REPS2: variants seen among roughly 807,000 people sequenced by gnomAD.
The protein encoded by REPS2 is RALBP1 associated Eps domain containing 2.
A neutral mutation model predicts 53.6 loss-of-function variants in REPS2; 23 were observed. The observed-to-expected ratio is 0.43, with a 90% CI of 0.31 to 0.61. The LOEUF (loss-of-function observed/expected upper bound fraction) is 0.61, where lower values mean the gene tolerates loss of function less well. Among genes scored for constraint, REPS2 ranks in the 20% least tolerant of loss-of-function variants. The pLI is 0.11. For synonymous variants in REPS2, 238 were observed against 218.6 expected (o/e 1.09, Z -0.78); for missense variants, 446 against 534.9 (o/e 0.83, Z 1.64).
chrX:16,983,791 C>T (rs2061053609), intron 1 of REPS2, among the ~76,000 whole-genome samples: 1 of 112,908 alleles, frequency 8.9e-6, no homozygotes, highest in Non-Finnish European at 1.9e-5. Context: ...AGGCATGAGC[C>T]ACCATGCCCG....
intron 1 of REPS2, among the ~76,000 whole-genome samples, chrX:16,968,735 C>G (rs1462963608): frequency 5.3e-5 from 5 of 93,735 alleles, no homozygotes; most frequent in Non-Finnish European, 1.1e-4. Flanking sequence ...GGCGGCCGGC[C>G]GGGCAGAGGG....
At chrX:17,117,934 C>T (rs1236052290) in intron 14 of REPS2, among the ~76,000 whole-genome samples, 1 of 101,622 alleles carries the variant, frequency 9.8e-6, no homozygotes, top group Non-Finnish European at 2.0e-5. Flanking sequence ...TCTCCAGCAC[C>T]TGTTGTTTCC....
intron 16 of REPS2, chrX:17,136,379 A>G (rs2063365967): frequency 9.0e-6 from 1 of 111,268 alleles, no homozygotes; most frequent in Non-Finnish European, 1.9e-5. Context: ...CAGTCCATAA[A>G]GGAAGTATAT....
chrX:17,104,035 G>A (rs1328714092), intron 14 of REPS2, among the ~76,000 whole-genome samples: 2 of 111,643 alleles, frequency 1.8e-5, no homozygotes, highest in African/African-American at 3.3e-5. Context: ...CCAGGGGTGC[G>A]TCTGTTTTCA....
chrX:17,135,436 T>C (rs1337130061), intron 16 of REPS2, 30 bp downstream of exon 16: 1 of 1,185,579 alleles, frequency 8.4e-7, no homozygotes, highest in Non-Finnish European at 1.1e-6. Flanking sequence ...AAGAGTGAGG[T>C]AGGAATCTCG....
chrX:16,967,538 C>A (rs1408864385), intron 1 of REPS2, among the ~76,000 whole-genome samples: 4 of 110,473 alleles, frequency 3.6e-5, no homozygotes, highest in African/African-American at 1.3e-4. Flanking sequence ...ATGGTGCACG[C>A]TGGTGGTCCC....
intron 1 of REPS2, among the ~76,000 whole-genome samples, chrX:16,951,559 A>ACACACACACACACACCCC (rs879259718): frequency 5.3e-5 from 2 of 37,509 alleles, no homozygotes; most frequent in Admixed American, 2.9e-4. Context: ...ACACACACAC[A>ACACACACACACACACCCC]CCCCCGCTAC....
At chrX:17,093,182 A>G (rs1373133221) in intron 13 of REPS2, among the ~76,000 whole-genome samples, 2 of 11,988 alleles carry the variant, frequency 1.7e-4, no homozygotes, top group Non-Finnish European at 2.8e-4. Flanking sequence ...ATATATATAT[A>G]TATATATATA....
chrX:16,969,792 G>A (rs956547145), intron 1 of REPS2, among the ~76,000 whole-genome samples: 1 of 104,541 alleles, frequency 9.6e-6, no homozygotes, highest in South Asian at 4.6e-4. Flanking sequence ...GAGAGGGAGA[G>A]GGAGAGAGGG....
chrX:17,026,787 GT>G (rs2061650920), intron 4 of REPS2, among the ~76,000 whole-genome samples: 1 of 110,673 alleles, frequency 9.0e-6, no homozygotes, highest in Non-Finnish European at 1.9e-5. Flanking sequence ...AAATGTACCC[GT>G]TTTATTTGTT....
chrX:17,064,234 A>G (rs2062197471), intron 9 of REPS2, among the ~76,000 whole-genome samples: 1 of 111,810 alleles, frequency 8.9e-6, no homozygotes, highest in South Asian at 3.7e-4. Context: ...GAATTCAAGG[A>G]CAAAGTAATA....
intron 1 of REPS2, among the ~76,000 whole-genome samples, chrX:16,986,115 T>G (rs1235270993): frequency 8.9e-6 from 1 of 112,223 alleles, no homozygotes; most frequent in Non-Finnish European, 1.9e-5. Flanking sequence ...CACTGCAATT[T>G]TAATGCAACT....
the REPS2 span, among the ~76,000 whole-genome samples, chrX:17,183,842 T>G: frequency 8.9e-6 from 1 of 112,115 alleles, no homozygotes; most frequent in Admixed American, 9.4e-5. Context: ...CCAGCCACAC[T>G]GGCCTTTATG....
chrX:17,171,675 A>G, the REPS2 span, among the ~76,000 whole-genome samples: 2 of 109,260 alleles, frequency 1.8e-5, no homozygotes, highest in Admixed American at 9.8e-5. Flanking sequence ...GCACACCACC[A>G]CACCTGGCTA....
Position 17,038,919 on chromosome X carries a change from A to G in REPS2, c.772-8428A>G, listed in dbSNP as rs758581915. On this transcript the variant is annotated intron_variant, in intron 5 of 17. Transcript: ENST00000357277. ...ACTGGTTAGTAAGTGACCATGCCAA[A>G]TTGGAACCCAAGTCTGTCTGCCTCT... Among the ~76,000 whole-genome samples the G allele has an allele frequency of 2.7e-5, 3 of 112,214 alleles. No individual in the cohort carries two copies. The East Asian group carries it at 8.4e-4, about 32-fold the overall frequency.
chrX:17,180,505 A>G, the REPS2 span, among the ~76,000 whole-genome samples: 2 of 111,069 alleles, frequency 1.8e-5, no homozygotes, highest in African/African-American at 6.6e-5. Flanking sequence ...GATTACCCTC[A>G]AAATAAGCCT....
At chrX:17,109,689 G>A (rs955664553) in intron 14 of REPS2, among the ~76,000 whole-genome samples, 2 of 111,473 alleles carry the variant, frequency 1.8e-5, no homozygotes, top group Non-Finnish European at 3.8e-5. Context: ...TGAGAGGCTA[G>A]CCATGAACAC....
Position 17,033,863 on chromosome X carries a change from C to T in REPS2, c.771+4240C>T, listed in dbSNP as rs112183816. ...TTGCTGTCTGGCCCTCGCCTACCTCCTCGGCCACAGCAGCTCACTGCCGCT... is the reference window on the plus strand; with the variant it reads ...TTGCTGTCTGGCCCTCGCCTACCTCTTCGGCCACAGCAGCTCACTGCCGCT... On this transcript the variant is annotated intron_variant, in intron 5 of 17. Coordinates refer to ENST00000357277, the MANE Select transcript of REPS2 (RefSeq NM_004726.3). Among the ~76,000 whole-genome samples, 557 of 111,784 alleles carry T rather than the reference C, an allele frequency of 5.0e-3. 3 individuals are homozygous for T. The highest frequency in any genetic ancestry group is 0.017 in the African/African-American group (533 of 30,757).
intron 1 of REPS2, among the ~76,000 whole-genome samples, chrX:17,005,410 C>T (rs1206072968): frequency 8.9e-6 from 1 of 111,869 alleles, no homozygotes; most frequent in Non-Finnish European, 1.9e-5. Flanking sequence ...GAACCCACTA[C>T]CAAACTTCAA....
Sources: allele counts gnomAD v4.1 joint callset (sites outside exome capture counted in the v4.1 genomes callset), GRCh38; gene constraint gnomAD v4.1.1; transcripts MANE v1.5; gene names NCBI Gene and HGNC (gene_info 2026-07-23, HGNC 2026-07-21).